Variants in NOVA1 observed in about 807,000 individuals in gnomAD.
The protein encoded by NOVA1 is NOVA alternative splicing regulator 1.
In NOVA1, 7 loss-of-function variants were observed where a neutral mutation model predicts 38.0. The ratio of observed to expected loss-of-function variants is 0.18; its 90% CI spans 0.10 to 0.35. NOVA1 has a LOEUF of 0.35. Among genes scored for constraint, NOVA1 ranks in the 10% least tolerant of loss-of-function variants. The pLI, the probability that NOVA1 is intolerant of heterozygous loss-of-function variation, is 1.00. For synonymous variants in NOVA1, 270 were observed against 232.5 expected, an observed-to-expected ratio of 1.16 and a Z score of -1.47; for missense variants, 460 against 616.0, an observed-to-expected ratio of 0.75 and a Z score of 2.68.
chr14:26,494,562 T>G (rs553540177), intron 2 of NOVA1, among the ~76,000 whole-genome samples: 1 of 152,330 alleles, frequency 6.6e-6, no homozygotes, highest in East Asian at 1.9e-4. Flanking sequence ...TATAGTATTA[T>G]GGCATTTTAC....
intron 4 of NOVA1, among the ~76,000 whole-genome samples, chr14:26,467,508 C>A (rs1397033261): frequency 2.0e-5 from 3 of 152,008 alleles, no homozygotes; most frequent in African/African-American, 7.3e-5. Flanking sequence ...AGAAATAGGG[C>A]ATTAGCTGGT....
At chr14:26,563,201 G>A (rs1353580896) in intron 2 of NOVA1, among the ~76,000 whole-genome samples, 2 of 149,526 alleles carry the variant, frequency 1.3e-5, no homozygotes, top group African/African-American at 4.9e-5. Flanking sequence ...AGGAAGGAAG[G>A]AAGGAAGGAA....
intron 2 of NOVA1, among the ~76,000 whole-genome samples, chr14:26,587,308 T>TAAAAAAAAAAA (rs34853058): frequency 1.9e-4 from 23 of 123,428 alleles, no homozygotes; most frequent in Admixed American, 3.1e-4. Context: ...CTAAAATATA[T>TAAAAAAAAAAA]AAAAAAAAAA....
chr14:26,512,803 C>T (rs898764153), intron 2 of NOVA1, among the ~76,000 whole-genome samples: 60 of 147,964 alleles, frequency 4.1e-4, no homozygotes, highest in Admixed American at 1.5e-3. Flanking sequence ...ACTTGAAGTG[C>T]TACAAAACGC....
intron 1 of NOVA1, chr14:26,595,895 G>C (rs1157010335): frequency 2.6e-6 from 1 of 381,154 alleles, no homozygotes; most frequent in South Asian, 2.1e-5. Flanking sequence ...GAAATGAACT[G>C]ACCCTTTAAC....
At chr14:26,452,722 T>G (rs1882810210) in intron 4 of NOVA1, among the ~76,000 whole-genome samples, 1 of 152,314 alleles carries the variant, frequency 6.6e-6, no homozygotes, top group South Asian at 2.1e-4. Context: ...TGTATAAAAC[T>G]AAGTCAGATA....
intron 2 of NOVA1, among the ~76,000 whole-genome samples, chr14:26,536,375 G>A (rs1890100339): frequency 6.6e-6 from 1 of 151,864 alleles, no homozygotes; most frequent in Non-Finnish European, 1.5e-5. Context: ...TGTATTATTT[G>A]TAACACAAAG....
intron 2 of NOVA1, among the ~76,000 whole-genome samples, chr14:26,582,915 G>A (rs902154130): frequency 1.3e-5 from 2 of 151,678 alleles, no homozygotes; most frequent in African/African-American, 2.4e-5. Context: ...TCAGATATAT[G>A]CCAACCTAAA....
chr14:26,534,577 T>C (rs917603344), intron 2 of NOVA1, among the ~76,000 whole-genome samples: 2 of 152,060 alleles, frequency 1.3e-5, no homozygotes, highest in African/African-American at 2.4e-5. Context: ...CTTAACATAA[T>C]GTTCAATAAA....
At chr14:26,459,381 C>T (rs182189098) in intron 4 of NOVA1, among the ~76,000 whole-genome samples, 1 of 152,104 alleles carries the variant, frequency 6.6e-6, no homozygotes, top group East Asian at 1.9e-4. Context: ...AACTTAGAAG[C>T]AATAGGTTAC....
chr14:26,590,301 A>C (rs1893764772), intron 2 of NOVA1, among the ~76,000 whole-genome samples: 1 of 151,948 alleles, frequency 6.6e-6, no homozygotes, highest in Non-Finnish European at 1.5e-5. Flanking sequence ...GATGGAAATG[A>C]GATGGCAATC....
chr14:26,465,986 A>G (rs1884094644), intron 4 of NOVA1, among the ~76,000 whole-genome samples: 1 of 152,002 alleles, frequency 6.6e-6, no homozygotes, highest in Admixed American at 6.6e-5. Flanking sequence ...ACAGGGGGGG[A>G]AGGGGGAGGC....
chr14:26,471,963 C>A (rs1342601927), intron 4 of NOVA1: 4 of 300,776 alleles, frequency 1.3e-5, no homozygotes, highest in Non-Finnish European at 2.4e-5. Flanking sequence ...TTTTTTTTTA[C>A]ATATATGATA....
chr14:26,458,645 A>G (rs1955209256), intron 4 of NOVA1, among the ~76,000 whole-genome samples: 1 of 152,096 alleles, frequency 6.6e-6, no homozygotes, highest in Non-Finnish European at 1.5e-5. Flanking sequence ...AGATGGCAAC[A>G]ATAGACACTG....
chr14:26,570,031 A>T (rs565014223), intron 2 of NOVA1, among the ~76,000 whole-genome samples: 1 of 152,252 alleles, frequency 6.6e-6, no homozygotes, highest in African/African-American at 2.4e-5. Flanking sequence ...ATAGAAGGAA[A>T]CCATCTGCTT....
chr14:26,508,555 TACAC>T (rs34063277), intron 2 of NOVA1, among the ~76,000 whole-genome samples: 9 of 149,034 alleles, frequency 6.0e-5, no homozygotes, highest in African/African-American at 1.2e-4. Flanking sequence ...CACATGTACA[TACAC>T]ACACACACAC....
chr14:26,536,751 C>T (rs550227279), intron 2 of NOVA1, among the ~76,000 whole-genome samples: 4 of 152,192 alleles, frequency 2.6e-5, no homozygotes, highest in Non-Finnish European at 4.4e-5. Context: ...AGATAACAGA[C>T]TTTACTATGT....
In NOVA1 at chr14:26,444,355, T is replaced by C. The variant is rs1362355238; in HGVS notation, c.*3604A>G. Reference sequence around the variant, plus strand: ...CACATTCTTAAAGTAAACATTAATATGCACTTTCTTAGAAAGCGATATAAA... The same window carrying C: ...CACATTCTTAAAGTAAACATTAATACGCACTTTCTTAGAAAGCGATATAAA... On this transcript the variant is annotated 3_prime_UTR_variant, in exon 5 of 5. Coordinates refer to ENST00000539517, the MANE Select transcript of NOVA1 (RefSeq NM_002515.3). 1.3e-5 allele frequency: 2 copies of C among 152,178 alleles called. No homozygotes were observed. Among genetic ancestry groups the C allele is most frequent in the African/African-American group, 2.4e-5 (1 of 41,446 alleles). 9.4% of individuals were successfully genotyped at this position (152,178 alleles called of 1,614,324 possible).
chr14:26,451,525 T>C (rs1023885463), intron 4 of NOVA1, among the ~76,000 whole-genome samples: 4 of 152,018 alleles, frequency 2.6e-5, no homozygotes, highest in Non-Finnish European at 5.9e-5. Context: ...TGCGCCACCA[T>C]GCCCAGATAA....
Sources: allele counts gnomAD v4.1 joint callset (sites outside exome capture counted in the v4.1 genomes callset), GRCh38; gene constraint gnomAD v4.1.1; transcripts MANE v1.5; gene names NCBI Gene and HGNC (gene_info 2026-07-23, HGNC 2026-07-21).